Variants in LPP observed in about 807,000 individuals in gnomAD.
LPP encodes LIM domain containing preferred translocation partner in lipoma, also known as lipoma-preferred partner.
Under a neutral mutation model 60.4 loss-of-function variants are expected in LPP, and 38 were observed. The ratio of observed to expected loss-of-function variants is 0.63; its 90% confidence interval spans 0.49 to 0.83. The LOEUF (loss-of-function observed/expected upper bound fraction) is 0.83. Among genes scored for constraint, LPP ranks in the 40% least tolerant of loss-of-function variants. The pLI is 0.00. For synonymous variants in LPP, 328 were observed against 290.8 expected, an observed-to-expected ratio of 1.13 and a Z score of -1.30; for missense variants, 902 against 783.6, an observed-to-expected ratio of 1.15 and a Z score of -1.80.
At chr3:188,639,288 G>A (rs1174345787) in intron 7 of LPP, among the ~76,000 whole-genome samples, 1 of 149,750 alleles carries the variant, frequency 6.7e-6, no homozygotes, top group East Asian at 2.0e-4. Flanking sequence ...TTTAATAAAT[G>A]GTGCTGGGAA....
intron 7 of LPP, among the ~76,000 whole-genome samples, chr3:188,707,212 GA>G (rs759695200): frequency 2.6e-4 from 39 of 151,856 alleles, no homozygotes; most frequent in Middle Eastern, 3.4e-3. Context: ...TGGTTACATG[GA>G]TGGGTTCTAT....
At chr3:188,231,687 G>A (rs1720039317) in intron 2 of LPP, among the ~76,000 whole-genome samples, 1 of 151,822 alleles carries the variant, frequency 6.6e-6, no homozygotes, top group Non-Finnish European at 1.5e-5. Context: ...GCTCCTCTCT[G>A]TGCCCCGCCT....
At chr3:188,711,880 C>G (rs1229379158) in intron 8 of LPP, 3 of 152,150 alleles carry the variant, frequency 2.0e-5, no homozygotes, top group African/African-American at 7.2e-5. Flanking sequence ...GAATACTTAG[C>G]CTTTGAGTAA....
At chr3:188,589,010 A>C (rs1476734776) in intron 6 of LPP, among the ~76,000 whole-genome samples, 1 of 151,886 alleles carries the variant, frequency 6.6e-6, no homozygotes, top group Admixed American at 6.6e-5. Flanking sequence ...TGGTGTGTGG[A>C]CTTCTTGAGT....
chr3:188,619,809 A>G (rs1482810333), intron 7 of LPP, among the ~76,000 whole-genome samples: 1 of 152,228 alleles, frequency 6.6e-6, no homozygotes, highest in Non-Finnish European at 1.5e-5. Flanking sequence ...CAGATCCTGA[A>G]TCTTAAATTA....
At chr3:188,310,332 T>C (rs114918388) in intron 2 of LPP, among the ~76,000 whole-genome samples, 145 of 152,064 alleles carry the variant, frequency 9.5e-4, no homozygotes, top group African/African-American at 3.4e-3. Flanking sequence ...GGTGACTGTG[T>C]GTATTCTGTG....
At chr3:188,198,863 T>G (rs1473547521) in intron 1 of LPP, among the ~76,000 whole-genome samples, 1 of 152,068 alleles carries the variant, frequency 6.6e-6, no homozygotes, top group Admixed American at 6.5e-5. Context: ...CAGGTGAAGG[T>G]AAAAGAAAGG....
At chr3:188,657,258 G>GTATATATATATATATATATA (rs148151207) in intron 7 of LPP, among the ~76,000 whole-genome samples, 12,058 of 88,138 alleles carry the variant, frequency 0.14, 1,486 homozygotes, top group African/African-American at 0.18. Context: ...CTGTCAAGGT[G>GTATATATATATATATATATA]TATATATATA....
intron 8 of LPP, among the ~76,000 whole-genome samples, chr3:188,739,621 T>C (rs1224940683): frequency 6.6e-6 from 1 of 152,054 alleles, no homozygotes; most frequent in Non-Finnish European, 1.5e-5. Flanking sequence ...GGTTATAAGA[T>C]AAATCTAGAA....
chr3:188,315,804 C>G (rs915237452), intron 2 of LPP, among the ~76,000 whole-genome samples: 2 of 152,150 alleles, frequency 1.3e-5, no homozygotes, highest in Non-Finnish European at 2.9e-5. Flanking sequence ...TCCTGTAACT[C>G]TAGTTCGTTT....
At chr3:188,258,510 A>AGG (rs1732437347) in intron 2 of LPP, among the ~76,000 whole-genome samples, 1 of 152,150 alleles carries the variant, frequency 6.6e-6, no homozygotes, top group Admixed American at 6.6e-5. Context: ...TTGTAGAGAC[A>AGG]GGGTTTCACT....
At chr3:188,483,887 C>T (rs1402927031) in intron 4 of LPP, among the ~76,000 whole-genome samples, 1 of 152,180 alleles carries the variant, frequency 6.6e-6, no homozygotes, top group Non-Finnish European at 1.5e-5. Flanking sequence ...CTTGGTGGAT[C>T]TCTGCTGCAT....
intron 8 of LPP, among the ~76,000 whole-genome samples, chr3:188,753,926 A>C (rs115517957): frequency 1.3e-5 from 2 of 152,272 alleles, no homozygotes; most frequent in South Asian, 2.1e-4. Context: ...TGACAGAACT[A>C]CATGTGTCCT....
chr3:188,530,652 C>T (rs991405391), intron 6 of LPP, among the ~76,000 whole-genome samples: 5 of 152,172 alleles, frequency 3.3e-5, no homozygotes, highest in Non-Finnish European at 1.5e-5. Context: ...ATGATAACCA[C>T]GACCAGGGGA....
In LPP at chr3:188,878,214, GC is replaced by G. The variant is rs1769475168; in HGVS notation, c.*3736del. 4.6e-6 allele frequency: 1 copy of G among 216,370 alleles called. No homozygotes were observed. Among genetic ancestry groups the G allele is most frequent in the African/African-American group, 2.3e-5 (1 of 44,412 alleles). 13.4% of individuals were successfully genotyped at this position (216,370 alleles called of 1,614,324 possible). Reference sequence around the variant, plus strand: ...GTTATTTCTATTGGATATGGTTTGGGCTTCTCTTGTCAAATCTGTGTCGGCT... The same window carrying G: ...GTTATTTCTATTGGATATGGTTTGGGTTCTCTTGTCAAATCTGTGTCGGCT... On this transcript the variant is annotated 3_prime_UTR_variant, in exon 12 of 12. Transcript: ENST00000617246.
intron 2 of LPP, among the ~76,000 whole-genome samples, chr3:188,234,947 A>G (rs973092664): frequency 6.6e-6 from 1 of 152,204 alleles, no homozygotes; most frequent in Non-Finnish European, 1.5e-5. Flanking sequence ...TTCCAACTCC[A>G]GACAAAATGC....
rs982160389 is a variant in LPP, at chr3:188,217,758, G to C, written c.-189-7647G>C. On this transcript the variant is annotated intron_variant, in intron 1 of 11. Coordinates refer to ENST00000617246, the MANE Select transcript of LPP (RefSeq NM_001375462.1). The surrounding 1 kb of genome is among the most constrained non-coding windows in gnomAD (Gnocchi z 4.0). ...CCCTAGGGGGTTGCCCAGATAAGCA[G>C]CTGGCGTTCCAAGACCAAAGAGTAT... 2.6e-5 allele frequency among the ~76,000 whole-genome samples: 4 copies of C among 152,184 alleles called. No homozygotes were observed. Among genetic ancestry groups the C allele is most frequent in the African/African-American group, 9.7e-5 (4 of 41,442 alleles).
At chr3:188,292,677 T>C (rs762599211) in intron 2 of LPP, among the ~76,000 whole-genome samples, 47 of 152,352 alleles carry the variant, frequency 3.1e-4, no homozygotes, top group Admixed American at 6.5e-4. Context: ...ATGGTTTACC[T>C]GACATAGGTT....
At chr3:188,338,409 T>C (rs1186490087) in intron 2 of LPP, among the ~76,000 whole-genome samples, 1 of 152,246 alleles carries the variant, frequency 6.6e-6, no homozygotes, top group Admixed American at 6.5e-5. Context: ...TAAAACATTG[T>C]TTTATTTTAA....
Sources: gnomAD v4.1 joint callset for allele counts (sites outside exome capture counted in the v4.1 genomes callset) on GRCh38, gnomAD v4.1.1 for gene constraint, Gnocchi (gnomAD v3.1) non-coding constraint, MANE v1.5 for transcripts, NCBI Gene and HGNC (gene_info 2026-07-23, HGNC 2026-07-21) for gene names.